Variants in CCDC141 observed in about 807,000 individuals in gnomAD.
The protein encoded by CCDC141 is coiled-coil domain-containing protein 141.
Under a neutral mutation model 181.0 loss-of-function variants are expected in CCDC141, and 168 were observed. The observed-to-expected ratio is 0.93, with a 90% CI of 0.82 to 1.05. CCDC141 has a LOEUF of 1.05. CCDC141 is among the 50% of genes least tolerant of loss of function. The pLI is 0.00. For missense variants in CCDC141, 1,902 were observed against 1,788.5 expected (o/e 1.06, Z -1.14); for synonymous variants, 666 against 642.3 (o/e 1.04, Z -0.56).
downstream of CCDC141, among the ~76,000 whole-genome samples, chr2:178,827,218 G>A (rs1684140132): frequency 6.6e-6 from 1 of 152,018 alleles, no homozygotes; most frequent in East Asian, 1.9e-4. Context: ...ACCTGCTTTT[G>A]TATAATTACT....
chr2:178,986,440 C>A (rs1044384865), intron 2 of CCDC141, among the ~76,000 whole-genome samples: 9 of 152,152 alleles, frequency 5.9e-5, no homozygotes, highest in South Asian at 2.1e-4. Context: ...CACTCCTATT[C>A]AACATAGTGT....
At chr2:178,916,836 A>C (rs767299135) in intron 7 of CCDC141, among the ~76,000 whole-genome samples, 1 of 152,192 alleles carries the variant, frequency 6.6e-6, no homozygotes, top group Non-Finnish European at 1.5e-5. Flanking sequence ...TGGGGAATCT[A>C]GAAATCGAAA....
chr2:179,015,745 TATATATATCTCATATATATC>T (rs2042505035), intron 2 of CCDC141, among the ~76,000 whole-genome samples: 5 of 63,700 alleles, frequency 7.8e-5, no homozygotes, highest in African/African-American at 1.1e-4. Context: ...ATATATATCT[TATATATATCTCATATATATC>T]ATATATATCT....
At chr2:178,911,402 C>A (rs1051196020) in intron 7 of CCDC141, among the ~76,000 whole-genome samples, 12 of 152,172 alleles carry the variant, frequency 7.9e-5, no homozygotes, top group Non-Finnish European at 1.3e-4. Context: ...TGCCCAAGGT[C>A]ATAGAGCTAA....
intron 5 of CCDC141, among the ~76,000 whole-genome samples, chr2:178,951,431 T>A (rs1309155614): frequency 6.6e-6 from 1 of 152,160 alleles, no homozygotes; most frequent in Non-Finnish European, 1.5e-5. Context: ...GAACCTCTGG[T>A]TGTTGGGAAA....
At chr2:179,023,684 T>C (rs982504613) in intron 2 of CCDC141, among the ~76,000 whole-genome samples, 1 of 152,158 alleles carries the variant, frequency 6.6e-6, no homozygotes, top group Non-Finnish European at 1.5e-5. Context: ...ATCTCTGTCC[T>C]GAGGAAAACT....
intron 2 of CCDC141, among the ~76,000 whole-genome samples, chr2:179,004,590 G>A (rs982825979): frequency 2.6e-5 from 4 of 152,134 alleles, no homozygotes; most frequent in African/African-American, 9.7e-5. Flanking sequence ...ATCTTTCAGA[G>A]TCAAGATGAA....
intron 2 of CCDC141, among the ~76,000 whole-genome samples, chr2:178,988,611 T>C (rs1486117128): frequency 6.6e-6 from 1 of 152,122 alleles, no homozygotes; most frequent in African/African-American, 2.4e-5. Flanking sequence ...ATGTAATCAA[T>C]ATAAAAATTT....
At chr2:178,873,050 A>C (rs1485746803) in intron 12 of CCDC141, 1 of 152,176 alleles carries the variant, frequency 6.6e-6, no homozygotes, top group Non-Finnish European at 1.5e-5. Flanking sequence ...TTTCTGTAGA[A>C]ACATTTAAAA....
chr2:178,945,853 G>GCAAA (rs1553487945), intron 5 of CCDC141, among the ~76,000 whole-genome samples: 1 of 149,472 alleles, frequency 6.7e-6, no homozygotes, highest in Non-Finnish European at 1.5e-5. Flanking sequence ...ACACATGCGT[G>GCAAA]CACACACACA....
Position 178,917,632 on chromosome 2 carries a change from G to A in CCDC141, c.1092+1081C>T, listed in dbSNP as rs376430540. Among the ~76,000 whole-genome samples, 363 of 152,256 alleles carry A rather than the reference G, an allele frequency of 2.4e-3. 2 individuals are homozygous for A. The highest frequency in any genetic ancestry group is 0.011 in the South Asian group (52 of 4,828). The stretch of plus-strand genomic sequence containing the variant: ...GGTATGAAACAATTCTAAAAACACC[G>A]TTTGAAGGTGTATATTACATTGGAA... On this transcript the variant is annotated intron_variant, in intron 7 of 23. Coordinates refer to ENST00000443758, the MANE Select transcript of CCDC141 (RefSeq NM_173648.4).
In CCDC141 at chr2:178,855,447, A is replaced by T; in HGVS notation, c.2960T>A (p.Met987Lys). The change falls in exon 19 of 24, where the codon ATG (methionine) becomes AAG (lysine). Residue 987 changes from methionine to lysine, a missense_variant. Met to Lys is a moderately conservative substitution (Grantham distance 95). Coordinates refer to ENST00000443758, the MANE Select transcript of CCDC141 (RefSeq NM_173648.4). ...SDKVNVLLEV[M>K]KDLQKHVDDF... ...ATCCACATGTTTTTGCAAATCCTTC[A>T]TGACTTCCAAAAGGACATTAACTTT... 2 of 1,612,112 alleles carry T rather than the reference A, an allele frequency of 1.2e-6. No homozygotes were observed. Among genetic ancestry groups the T allele is most frequent in the Non-Finnish European group, 1.7e-6 (2 of 1,179,086 alleles).
chr2:178,948,395 C>T (rs137868996), intron 5 of CCDC141, among the ~76,000 whole-genome samples: 1 of 152,018 alleles, frequency 6.6e-6, no homozygotes, highest in African/African-American at 2.4e-5. Context: ...TTGGATGGTT[C>T]TCCAATTAAA....
At chr2:178,877,567 C>T (rs1345097449) in intron 12 of CCDC141, 2 of 223,376 alleles carry the variant, frequency 9.0e-6, no homozygotes, top group Non-Finnish European at 1.7e-5. Flanking sequence ...ACAAAGAGAT[C>T]TGCTATGGTA....
At chr2:178,820,037 T>A in the CCDC141 span, among the ~76,000 whole-genome samples, 1 of 152,310 alleles carries the variant, frequency 6.6e-6, no homozygotes. Flanking sequence ...AGCACACCAC[T>A]GATACTTCCT....
downstream of CCDC141, among the ~76,000 whole-genome samples, chr2:178,826,800 C>T (rs1052952659): frequency 2.6e-5 from 4 of 151,938 alleles, no homozygotes; most frequent in East Asian, 7.7e-4. Context: ...TTGATCTGCT[C>T]AGAGAACAAG....
intron 12 of CCDC141, chr2:178,875,199 A>T (rs1243972097): frequency 6.6e-6 from 1 of 152,156 alleles, no homozygotes; most frequent in African/African-American, 2.4e-5. Flanking sequence ...GGCATTTGAT[A>T]AATATTCGCT....
intron 2 of CCDC141, among the ~76,000 whole-genome samples, chr2:179,030,173 T>C (rs1387707625): frequency 6.6e-6 from 1 of 152,084 alleles, no homozygotes; most frequent in Non-Finnish European, 1.5e-5. Context: ...AAATGAAAAT[T>C]AGTCATATGT....
intron 6 of CCDC141, among the ~76,000 whole-genome samples, chr2:178,928,055 T>C (rs1457961493): frequency 6.6e-6 from 1 of 152,136 alleles, no homozygotes; most frequent in African/African-American, 2.4e-5. Context: ...ACAGATAAAT[T>C]ACATTTTAAA....
Sources: allele counts gnomAD v4.1 joint callset (sites outside exome capture counted in the v4.1 genomes callset), GRCh38; gene constraint gnomAD v4.1.1; transcripts MANE v1.5; gene names NCBI Gene and HGNC (gene_info 2026-07-23, HGNC 2026-07-21).